Variants in SLC16A2 observed in about 807,000 individuals in gnomAD.
SLC16A2 encodes monocarboxylate transporter 8.
Under a neutral mutation model 27.2 loss-of-function variants are expected in SLC16A2, and 3 were observed. That is an observed-to-expected ratio of 0.11 (90% CI 0.05 to 0.28). The LOEUF is 0.28. SLC16A2 is among the 10% of genes least tolerant of loss of function. The probability of loss-of-function intolerance (pLI) is 1.00; values close to 1 mark genes in which losing one functional copy is unlikely to be tolerated. For synonymous variants in SLC16A2, 202 were observed against 187.8 expected, an observed-to-expected ratio of 1.08 and a Z score of -0.62; for missense variants, 295 against 458.5, an observed-to-expected ratio of 0.64 and a Z score of 3.26.
intron 1 of SLC16A2, among the ~76,000 whole-genome samples, chrX:74,469,968 G>T (rs1161770180): frequency 1.8e-5 from 2 of 111,656 alleles, no homozygotes; most frequent in Non-Finnish European, 3.8e-5. Flanking sequence ...AATTCCCTGT[G>T]CTTTACCTAT....
chrX:74,524,178 C>T (rs770451928), intron 2 of SLC16A2, among the ~76,000 whole-genome samples, 181 bp from the exon 3 acceptor site: 1 of 111,838 alleles, frequency 8.9e-6, no homozygotes, highest in East Asian at 2.8e-4. Context: ...CGCTGAGCCT[C>T]TGCTTCCCCA....
chrX:74,421,887 G>A lies in SLC16A2; in HGVS notation c.250G>A (p.Glu84Lys), dbSNP rs1052769515. The change falls in exon 1 of 6, where the codon GAG becomes AAG. Residue 84 changes from glutamate (E) to lysine (K), a missense_variant. Glu to Lys is a moderately conservative substitution (Grantham distance 56, BLOSUM62 1). Around this residue, in one of 3 missense-constraint regions of SLC16A2, gnomAD observed 92 missense variants for 85.1 expected, o/e 1.08. Coordinates refer to ENST00000587091, the MANE Select transcript of SLC16A2 (RefSeq NM_006517.5). ...CGAACCCGAGCCCACGCCTACGGTA[G>A]AGACCCGCGGCACCGCGCGCGGCTT... is the stretch of plus-strand genomic sequence containing the variant. The part of the protein sequence containing the change: ...VHEPEPTPTV[E>K]TRGTARGFQP... The A allele has an allele frequency of 1.7e-6, 2 of 1,209,881 alleles. No individual in the cohort carries two copies. Among genetic ancestry groups the A allele is most frequent in the Admixed American group, 4.3e-5 (2 of 46,073 alleles).
At position 74,485,801 on chromosome X, in the gene SLC16A2, G is replaced by GCAATGGGTGCCTGGCTGGATCGGGAGCAT. The variant is rs777356328; in HGVS notation, c.431-35168_431-35167insGGGAGCATCAATGGGTGCCTGGCTGGATC. 8.2e-3 allele frequency among the ~76,000 whole-genome samples: 913 copies of GCAATGGGTGCCTGGCTGGATCGGGAGCAT among 111,382 alleles called. 10 individuals carry two copies. The highest frequency in any genetic ancestry group is 0.028 in the African/African-American group (869 of 30,560). On this transcript the variant is annotated intron_variant, in intron 1 of 5. Transcript: ENST00000587091. Reference sequence around the variant, plus strand: ...CGAGCCTCTAGCCTGATCGGGAGCAGCAATGGGTGCCTGGCTGGATCAGGA... The same window carrying GCAATGGGTGCCTGGCTGGATCGGGAGCAT: ...CGAGCCTCTAGCCTGATCGGGAGCAGCAATGGGTGCCTGGCTGGATCGGGAGCATCAATGGGTGCCTGGCTGGATCAGGA...
chrX:74,460,877 T>C lies in SLC16A2; in HGVS notation c.430+38810T>C, dbSNP rs180806424. Among the ~76,000 whole-genome samples the C allele has an allele frequency of 7.6e-3, 843 of 111,169 alleles. 5 individuals carry two copies. The highest frequency in any genetic ancestry group is 0.012 in the Admixed American group (130 of 10,403). ...CGTGTTAGCCAGGATGGTCTTGATC[T>C]CCTGACCTCGTGATCCACCTGCCTC... On this transcript the variant is annotated intron_variant, in intron 1 of 5. Transcript: ENST00000587091.
chrX:74,508,154 G>A (rs1930168366), intron 1 of SLC16A2, among the ~76,000 whole-genome samples: 1 of 111,680 alleles, frequency 9.0e-6, no homozygotes, highest in Admixed American at 9.5e-5. Context: ...GATAATATAA[G>A]TATTCTAACT....
intron 1 of SLC16A2, among the ~76,000 whole-genome samples, chrX:74,435,279 C>T (rs1928605150): frequency 9.1e-6 from 1 of 109,730 alleles, no homozygotes; most frequent in East Asian, 2.8e-4. Flanking sequence ...GTTTGTGTTA[C>T]TTAGGGAAAA....
intron 1 of SLC16A2, among the ~76,000 whole-genome samples, chrX:74,481,315 C>T (rs905440280): frequency 9.0e-6 from 1 of 111,620 alleles, no homozygotes; most frequent in Non-Finnish European, 1.9e-5. Context: ...TAAAATTCAC[C>T]AGTGAAGACA....
At chrX:74,452,249 C>G (rs1021977712) in intron 1 of SLC16A2, among the ~76,000 whole-genome samples, 1 of 112,042 alleles carries the variant, frequency 8.9e-6, no homozygotes, top group Non-Finnish European at 1.9e-5. Flanking sequence ...GGGAAGTGGC[C>G]TGGAATATGG....
chrX:74,456,183 A>G (rs896988287), intron 1 of SLC16A2, among the ~76,000 whole-genome samples: 4 of 112,111 alleles, frequency 3.6e-5, no homozygotes, highest in African/African-American at 1.3e-4. Context: ...GGCTGGGGAA[A>G]AGAAAGTGCA....
chrX:74,449,975 C>T (rs1928908724), intron 1 of SLC16A2, among the ~76,000 whole-genome samples: 1 of 112,272 alleles, frequency 8.9e-6, no homozygotes, highest in Admixed American at 9.4e-5. Context: ...GCACTATAGA[C>T]GACCAGGATG....
intron 1 of SLC16A2, among the ~76,000 whole-genome samples, chrX:74,467,765 G>A (rs1929279537): frequency 9.0e-6 from 1 of 111,410 alleles, no homozygotes; most frequent in Admixed American, 9.6e-5. Context: ...CATGCTCCAT[G>A]ACATAGAAAT....
chrX:74,497,429 T>C (rs879034627), intron 1 of SLC16A2, among the ~76,000 whole-genome samples: 1 of 110,640 alleles, frequency 9.0e-6, no homozygotes, highest in Admixed American at 9.7e-5. Context: ...TCAGCGAGAA[T>C]TGGGCAGCTT....
Position 74,531,743 on chromosome X carries a change from C to T in SLC16A2, c.*190C>T, listed in dbSNP as rs1930572663. On this transcript the variant is annotated 3_prime_UTR_variant, in exon 6 of 6. Coordinates refer to ENST00000587091, the MANE Select transcript of SLC16A2 (RefSeq NM_006517.5). ...CATTAACTAAATTCTCCCCAGAATG[C>T]TTTTAAATTTTCCAGGGCCTTTCTC... is the stretch of plus-strand genomic sequence containing the variant. The T allele has an allele frequency of 2.1e-6, 1 of 479,549 alleles. No individual in the cohort carries two copies. Among genetic ancestry groups the T allele is most frequent in the Non-Finnish European group, 3.7e-6 (1 of 270,388 alleles). 39.5% of individuals were successfully genotyped at this position (479,549 alleles called of 1,213,427 possible). A position where few individuals can be genotyped will look rare whatever the true frequency, so the allele number is the denominator to read the frequency against.
At chrX:74,432,882 A>G (rs1001081056) in intron 1 of SLC16A2, among the ~76,000 whole-genome samples, 10 of 111,611 alleles carry the variant, frequency 9.0e-5, no homozygotes, top group African/African-American at 3.3e-4. Flanking sequence ...GATGGAGACA[A>G]AATTCAAAAG....
chrX:74,453,821 T>A lies in SLC16A2; in HGVS notation c.430+31754T>A, dbSNP rs141243284. On this transcript the variant is annotated intron_variant, in intron 1 of 5. Transcript: ENST00000587091. ...AGGTGATCTTCTCGTGCTTCCCAAG[T>A]AACTGGGACCACACGCGTGTGCCAC... Among the ~76,000 whole-genome samples, 465 of 111,614 alleles carry A rather than the reference T, an allele frequency of 4.2e-3. 1 individual carries two copies. Among genetic ancestry groups the A allele is most frequent in the Non-Finnish European group, 6.8e-3 (364 of 53,140 alleles).
intron 1 of SLC16A2, among the ~76,000 whole-genome samples, chrX:74,455,634 A>G: frequency 9.0e-6 from 1 of 110,717 alleles, no homozygotes; most frequent in Non-Finnish European, 1.9e-5. Flanking sequence ...GGCTCCTCCT[A>G]CATTTTGCTT....
At chrX:74,454,435 G>C (rs1326059594) in intron 1 of SLC16A2, among the ~76,000 whole-genome samples, 2 of 109,948 alleles carry the variant, frequency 1.8e-5, no homozygotes, top group Non-Finnish European at 3.8e-5. Context: ...TAGGGACATG[G>C]ATGAAGCTGG....
At chrX:74,490,365 TA>T (rs376272755) in intron 1 of SLC16A2, among the ~76,000 whole-genome samples, 6,250 of 98,849 alleles carry the variant, frequency 0.063, 195 homozygotes, top group Admixed American at 0.14. Context: ...TTCCCACACT[TA>T]AAAAAAAAAA....
chrX:74,449,362 ATGAG>A (rs1383338562), intron 1 of SLC16A2, among the ~76,000 whole-genome samples: 17 of 112,107 alleles, frequency 1.5e-4, no homozygotes, highest in African/African-American at 5.5e-4. Context: ...TGGGTATCTA[ATGAG>A]TGATGCTCAT....
Sources: gnomAD v4.1 joint callset for allele counts (sites outside exome capture counted in the v4.1 genomes callset) on GRCh38, gnomAD v4.1.1 for gene constraint, gnomAD v4.1.1 regional missense constraint, MANE v1.5 for transcripts, NCBI Gene and HGNC (gene_info 2026-07-23, HGNC 2026-07-21) for gene names.